ZNF223: variants seen among roughly 807,000 people sequenced by gnomAD.
The protein encoded by ZNF223 is zinc finger protein 223.
ZNF223 carries 9 observed loss-of-function variants against 12.3 expected under a neutral mutation model. That is an observed-to-expected ratio of 0.73 (90% CI 0.44 to 1.28). The LOEUF is 1.28. Among genes scored for constraint, ZNF223 ranks in the 50% most tolerant of loss-of-function variants. The pLI is 0.00. For synonymous variants in ZNF223, 171 were observed against 195.2 expected (o/e 0.88, Z 1.03); for missense variants, 506 against 579.0 (o/e 0.87, Z 1.29).
Position 44,059,594 on chromosome 19 carries a change from T to C in ZNF223, c.16-861T>C, listed in dbSNP as rs77246663. 1.1e-3 allele frequency among the ~76,000 whole-genome samples: 160 copies of C among 152,354 alleles called. 6 individuals are homozygous for C. The East Asian group carries it at 0.029, about 28-fold the overall frequency. ...CTGTGCTTCCAGGCCTCTGCTGCCA[T>C]ATCCTTGGGGGAACAGCAGATTAAT... On this transcript the variant is annotated intron_variant, in intron 2 of 4. Transcript: ENST00000434772.
Position 44,066,696 on chromosome 19 carries a change from T to C in ZNF223, c.868T>C (p.Cys290Arg). 1 of 1,614,206 alleles carries C rather than the reference T, an allele frequency of 6.2e-7. No homozygotes were observed. The highest frequency in any genetic ancestry group is 8.5e-7 in the Non-Finnish European group (1 of 1,180,032). Residue 290 changes from cysteine (C) to arginine (R), a missense_variant, in exon 5 of 5, where the codon TGT becomes CGT. Coordinates refer to ENST00000434772, the MANE Select transcript of ZNF223 (RefSeq NM_013361.6). ...RIHTGEKPFKCEICSVSFRLR... is the reference protein window; with the variant it reads ...RIHTGEKPFKREICSVSFRLR... The stretch of plus-strand genomic sequence containing the variant: ...TCACACAGGGGAGAAGCCATTCAAA[T>C]GTGAGATATGTAGTGTGAGCTTCCG...
At chr19:44,052,538 G>T (rs73556277) in intron 1 of ZNF223, among the ~76,000 whole-genome samples, 4,794 of 152,266 alleles carry the variant, frequency 0.031, 243 homozygotes, top group African/African-American at 0.11. Flanking sequence ...GTCTCTTGTT[G>T]CCTGATATTT....
chr19:44,058,433 T>G (rs1976796793), intron 2 of ZNF223, among the ~76,000 whole-genome samples: 1 of 152,176 alleles, frequency 6.6e-6, no homozygotes, highest in African/African-American at 2.4e-5. Context: ...CAGAGGAGCA[T>G]GACCACAAGC....
At chr19:44,052,332 C>G (rs1313815929) in intron 1 of ZNF223, 137 bp downstream of exon 1, 1 of 152,180 alleles carries the variant, frequency 6.6e-6, no homozygotes, top group Non-Finnish European at 1.5e-5. Context: ...ACTTTGACCT[C>G]GCTCAGTCCG....
intron 4 of ZNF223, among the ~76,000 whole-genome samples, chr19:44,061,935 G>A (rs1270169761): frequency 6.6e-6 from 1 of 152,162 alleles, no homozygotes; most frequent in African/African-American, 2.4e-5. Flanking sequence ...TACTTGGCCT[G>A]CAAGTATTAT....
At chr19:44,057,949 T>C (rs1233782610) in intron 2 of ZNF223, among the ~76,000 whole-genome samples, 5 of 152,344 alleles carry the variant, frequency 3.3e-5, no homozygotes, top group Non-Finnish European at 5.9e-5. Context: ...CAGTATGAGC[T>C]GGCCATCCAG....
Position 44,067,256 on chromosome 19 carries a change from A to G in ZNF223, c.1428A>G (p.Ser476=), listed in dbSNP as rs757867995. The G allele has an allele frequency of 3.1e-6, 5 of 1,607,910 alleles. No individual in the cohort carries two copies. Among genetic ancestry groups the G allele is most frequent in the East Asian group, 2.2e-5 (1 of 44,832 alleles). The change falls in exon 5 of 5, where the codon TCA becomes TCG. Residue 476 remains serine (S), a synonymous_variant. Coordinates refer to ENST00000434772, the MANE Select transcript of ZNF223 (RefSeq NM_013361.6). ...KRRLNLDIIL[S]LFLNDT Reference sequence around the variant, plus strand: ...GCTTGAATCTTGATATAATTTTATCATTATTTTTAAATGACACGTAAGTGT... The same window carrying G: ...GCTTGAATCTTGATATAATTTTATCGTTATTTTTAAATGACACGTAAGTGT...
rs764971312 is a variant in ZNF223 at position 44,066,644 on chromosome 19, T to A, written c.816T>A (p.Asp272Glu). 6 of 1,614,186 alleles carry A rather than the reference T, an allele frequency of 3.7e-6. No homozygotes were observed. Among genetic ancestry groups the A allele is most frequent in the African/African-American group, 2.7e-5 (2 of 75,044 alleles). Residue 272 changes from aspartate (D) to glutamate (E), a missense_variant, in exon 5 of 5, where the codon GAT (aspartate) becomes GAA (glutamate). Coordinates refer to ENST00000434772, the MANE Select transcript of ZNF223 (RefSeq NM_013361.6). ...CEACGRAFIHDFQLQKHQRIH... is the reference protein window; with the variant it reads ...CEACGRAFIHEFQLQKHQRIH... The stretch of plus-strand genomic sequence containing the variant: ...CATGTGGGAGGGCCTTCATTCATGA[T>A]TTCCAGCTTCAGAAACATCAGAGAA...
Position 44,060,778 on chromosome 19 carries a change from C to T in ZNF223, c.172C>T (p.His58Tyr). ...GHQPFHRDTF[H>Y]FLREEKFWMM... ...TCAACCATTCCACCGAGATACTTTC[C>T]ACTTTCTAAGGGAGGAAAAGTTTTG... is the stretch of plus-strand genomic sequence containing the variant. The change falls in exon 4 of 5, where the codon CAC (histidine) becomes TAC (tyrosine). Residue 58 changes from histidine to tyrosine, a missense_variant. By Grantham distance (83) the His-to-Tyr change is moderately conservative (BLOSUM62 2). Transcript: ENST00000434772. 15 of 1,613,948 alleles carry T rather than the reference C, an allele frequency of 9.3e-6. No individual in the cohort carries two copies. The highest frequency in any genetic ancestry group is 1.3e-5 in the Non-Finnish European group (15 of 1,179,994).
chr19:44,066,071 G>C lies in ZNF223; in HGVS notation c.243G>C (p.Lys81Asn). ...ATQREGNSGG[K>N]IQPEMKTFPE... ...AATTTTGTATTCTGATAGGAGGCAA[G>C]ATCCAACCTGAGATGAAGACTTTTC... The change falls in exon 5 of 5, where the codon AAG becomes AAC. Residue 81 changes from lysine to asparagine, a missense_variant. By Grantham distance (94) the Lys-to-Asn change is moderately conservative. Coordinates refer to ENST00000434772, the MANE Select transcript of ZNF223 (RefSeq NM_013361.6). 1 of 1,589,180 alleles carries C rather than the reference G, an allele frequency of 6.3e-7. No homozygotes were observed. The highest frequency in any genetic ancestry group is 8.5e-7 in the Non-Finnish European group (1 of 1,171,108).
At chr19:44,052,547 T>A (rs987681999) in intron 1 of ZNF223, among the ~76,000 whole-genome samples, 1 of 152,200 alleles carries the variant, frequency 6.6e-6, no homozygotes, top group Non-Finnish European at 1.5e-5. Flanking sequence ...TGCCTGATAT[T>A]TTAAAACGTT....
At chr19:44,055,277 A>C in intron 2 of ZNF223, 86 bp downstream of exon 2, 1 of 1,464,214 alleles carries the variant, frequency 6.8e-7, no homozygotes, top group Non-Finnish European at 9.6e-7. Flanking sequence ...GGGAAGACTC[A>C]AGGAGAACAG....
Position 44,065,912 on chromosome 19 carries a change from G to T in ZNF223, c.236-152G>T. The T allele has an allele frequency of 2.2e-6, 3 of 1,349,018 alleles. No homozygotes were observed. In the South Asian group the frequency reaches 4.8e-5, roughly 21 times the overall value. The allele number at this position is 1,349,018 out of a possible 1,614,324, so 83.6% of individuals were successfully genotyped here. ...TCCCCAGTGACATGGTATGGTTTTA[G>T]ATTACTCTCATGCAAACCAGAAACC... On this transcript the variant is annotated intron_variant, in intron 4 of 4. Coordinates refer to ENST00000434772, the MANE Select transcript of ZNF223 (RefSeq NM_013361.6).
chr19:44,066,115 A>AAGC lies in ZNF223; in HGVS notation c.289_290insCAG (p.Glu96_Gly97insAla). On this transcript the variant is annotated inframe_insertion, in exon 5 of 5. Coordinates refer to ENST00000434772, the MANE Select transcript of ZNF223 (RefSeq NM_013361.6). ...ACTTTTCCAGAAGCAGGACCACATG[A>AAGC]AGGGTGGTCCTGCCAGCAGATCTGG... 1 of 1,613,294 alleles carries AAGC rather than the reference A, an allele frequency of 6.2e-7. No homozygotes were observed. The highest frequency in any genetic ancestry group is 2.2e-5 in the East Asian group (1 of 44,866).
intron 2 of ZNF223, among the ~76,000 whole-genome samples, chr19:44,057,416 T>G (rs1049693652): frequency 1.3e-5 from 2 of 152,176 alleles, no homozygotes; most frequent in Admixed American, 6.5e-5. Flanking sequence ...TATGTGAAAT[T>G]AAATATTTAT....
chr19:44,052,166 G>C lies in ZNF223; in HGVS notation c.-98G>C, dbSNP rs1170062301. 1 of 154,346 alleles carries C rather than the reference G, an allele frequency of 6.5e-6. No homozygotes were observed. The highest frequency in any genetic ancestry group is 1.5e-5 in the Non-Finnish European group (1 of 68,122). The allele number at this position is 154,346 out of a possible 1,614,324, so 9.6% of individuals were successfully genotyped here. ...GATCGATGATCGTCTCAGGGGAAAAGAAGCCTTGGCGAAGAGCAGAGGTTT... is the reference window on the plus strand; with the variant it reads ...GATCGATGATCGTCTCAGGGGAAAACAAGCCTTGGCGAAGAGCAGAGGTTT... On this transcript the variant is annotated 5_prime_UTR_variant, in exon 1 of 5. Coordinates refer to ENST00000434772, the MANE Select transcript of ZNF223 (RefSeq NM_013361.6).
chr19:44,061,472 T>G (rs1419114372), intron 4 of ZNF223, among the ~76,000 whole-genome samples: 1 of 152,202 alleles, frequency 6.6e-6, no homozygotes, highest in Non-Finnish European at 1.5e-5. Flanking sequence ...CTAGTTTCCA[T>G]TCCTCCATCT....
rs1976935741 is a variant in ZNF223 at position 44,067,352 on chromosome 19, AATT to A, written c.*77_*79del. On this transcript the variant is annotated 3_prime_UTR_variant, in exon 5 of 5. Transcript: ENST00000434772. ...TGATGTATAATGATCAAATCAGTGT[AATT>A]AGCACATTTATCACCTCAATTATCT... 7.2e-7 allele frequency: 1 copy of A among 1,395,296 alleles called. No homozygotes were observed. The highest frequency in any genetic ancestry group is 1.4e-5 in the African/African-American group (1 of 70,054). 86.4% of individuals were successfully genotyped at this position (1,395,296 alleles called of 1,614,324 possible). A position where few individuals can be genotyped will look rare whatever the true frequency, so the allele number is the denominator to read the frequency against.
chr19:44,056,978 G>A (rs1231762844), intron 2 of ZNF223, among the ~76,000 whole-genome samples: 2 of 152,070 alleles, frequency 1.3e-5, no homozygotes, highest in Non-Finnish European at 2.9e-5. Context: ...AATAAATCCA[G>A]AATAAGAATC....
Sources: gnomAD v4.1 joint callset for allele counts (sites outside exome capture counted in the v4.1 genomes callset) on GRCh38, gnomAD v4.1.1 for gene constraint, MANE v1.5 for transcripts, NCBI Gene and HGNC (gene_info 2026-07-23, HGNC 2026-07-21) for gene names.